Variants in MCTP1 observed in about 807,000 individuals in gnomAD.
MCTP1 encodes the protein multiple C2 and transmembrane domain-containing protein 1.
Under a neutral mutation model 120.6 loss-of-function variants are expected in MCTP1, and 69 were observed. That is an observed-to-expected ratio of 0.57 (90% CI 0.47 to 0.70). The LOEUF is 0.70. Ranked by LOEUF, MCTP1 falls within the 30% of genes least tolerant of loss-of-function variation. The probability of loss-of-function intolerance (pLI) is 0.00; values close to 1 mark genes in which losing one functional copy is unlikely to be tolerated. For missense variants in MCTP1, 1,203 were observed against 1,248.8 expected, an observed-to-expected ratio of 0.96 and a Z score of 0.55; for synonymous variants, 529 against 493.1, an observed-to-expected ratio of 1.07 and a Z score of -0.96.
intron 3 of MCTP1, among the ~76,000 whole-genome samples, chr5:94,950,973 G>T (rs1820406828): frequency 6.7e-6 from 1 of 150,066 alleles, no homozygotes; most frequent in African/African-American, 2.4e-5. Flanking sequence ...ATGATTTTGT[G>T]TAAATTTATG....
chr5:94,730,963 C>G (rs953237672), intron 19 of MCTP1, among the ~76,000 whole-genome samples: 3 of 129,664 alleles, frequency 2.3e-5, no homozygotes, highest in Non-Finnish European at 3.4e-5. Flanking sequence ...CACACACACA[C>G]ACACATTGCA....
At position 95,141,568 on chromosome 5, in the gene MCTP1, T is replaced by G. The variant is rs149734780; in HGVS notation, c.721-124084A>C. On this transcript the variant is annotated intron_variant, in intron 1 of 22. Transcript: ENST00000515393. ...GATAGTTTCATTGTGTTTTACTTTT[T>G]GTTACCTGATACCGAAGTGTCAAAA... Among the ~76,000 whole-genome samples the G allele has an allele frequency of 2.1e-4, 32 of 152,354 alleles. No individual in the cohort carries two copies. The East Asian group carries it at 5.8e-3, about 28-fold the overall frequency.
At chr5:94,796,551 A>G (rs565210973) in intron 18 of MCTP1, among the ~76,000 whole-genome samples, 1 of 134,198 alleles carries the variant, frequency 7.5e-6, no homozygotes, top group Non-Finnish European at 1.5e-5. Flanking sequence ...CTAAATTCGT[A>G]TATATGTGTG....
intron 17 of MCTP1, among the ~76,000 whole-genome samples, chr5:94,803,776 A>C (rs948368240): frequency 1.3e-5 from 2 of 152,310 alleles, no homozygotes; most frequent in African/African-American, 4.8e-5. Flanking sequence ...AATGAGTGCC[A>C]CTTTCAGTTT....
intron 1 of MCTP1, among the ~76,000 whole-genome samples, chr5:95,169,586 T>A (rs1323819177): frequency 6.6e-6 from 1 of 152,206 alleles, no homozygotes; most frequent in Non-Finnish European, 1.5e-5. Flanking sequence ...CTGTTATTGG[T>A]CTATTCAGGA....
At chr5:95,147,440 T>C (rs1034032511) in intron 1 of MCTP1, among the ~76,000 whole-genome samples, 1 of 152,240 alleles carries the variant, frequency 6.6e-6, no homozygotes, top group Non-Finnish European at 1.5e-5. Flanking sequence ...TTGAACCCTT[T>C]GCCATTATGT....
chr5:95,077,965 GT>G, intron 1 of MCTP1, among the ~76,000 whole-genome samples: 1 of 127,914 alleles, frequency 7.8e-6, no homozygotes, highest in Non-Finnish European at 1.8e-5. Flanking sequence ...TCCCAATCCA[GT>G]GTCAGGTACA....
chr5:94,867,454 T>C (rs1797042253), intron 17 of MCTP1: 1 of 903,014 alleles, frequency 1.1e-6, no homozygotes, highest in Non-Finnish European at 1.8e-6. Flanking sequence ...TACTAAAATG[T>C]TGATTTGTTA....
chr5:95,176,993 T>C (rs924078633), intron 1 of MCTP1, among the ~76,000 whole-genome samples: 2 of 151,342 alleles, frequency 1.3e-5, no homozygotes, highest in Non-Finnish European at 2.9e-5. Context: ...GCCTCCCGAG[T>C]AGCTGGGACT....
intron 1 of MCTP1, among the ~76,000 whole-genome samples, chr5:95,187,728 G>A (rs1432296448): frequency 1.3e-5 from 2 of 152,092 alleles, no homozygotes; most frequent in Non-Finnish European, 2.9e-5. Flanking sequence ...GGGATTGGGG[G>A]TAGGGGGAAG....
intron 2 of MCTP1, among the ~76,000 whole-genome samples, chr5:95,015,616 A>T (rs1220834555): frequency 6.6e-6 from 1 of 152,120 alleles, no homozygotes; most frequent in Middle Eastern, 3.2e-3. Flanking sequence ...TCTTACATAG[A>T]ACGTTGCATA....
At chr5:95,222,500 C>T (rs1176217582) in intron 1 of MCTP1, among the ~76,000 whole-genome samples, 5 of 152,198 alleles carry the variant, frequency 3.3e-5, no homozygotes, top group Non-Finnish European at 7.3e-5. Flanking sequence ...ACATTGATAC[C>T]TAATTGTTTA....
intron 2 of MCTP1, among the ~76,000 whole-genome samples, chr5:94,975,672 T>C (rs1220636218): frequency 6.6e-6 from 1 of 152,014 alleles, no homozygotes; most frequent in East Asian, 1.9e-4. Context: ...ATCCCATCTA[T>C]AGAATATTTG....
intron 1 of MCTP1, among the ~76,000 whole-genome samples, chr5:95,078,964 T>C (rs780651563): frequency 6.6e-6 from 1 of 152,196 alleles, no homozygotes; most frequent in African/African-American, 2.4e-5. Flanking sequence ...GAAATCCCTG[T>C]AGAGTGAGAT....
intron 1 of MCTP1, among the ~76,000 whole-genome samples, chr5:95,282,862 T>C (rs1456864010): frequency 6.6e-6 from 1 of 152,236 alleles, no homozygotes; most frequent in African/African-American, 2.4e-5. Context: ...TGTTTCTTTG[T>C]AGCTGAGCTT....
At chr5:95,136,550 G>C (rs1405000465) in intron 1 of MCTP1, among the ~76,000 whole-genome samples, 1 of 152,136 alleles carries the variant, frequency 6.6e-6, no homozygotes, top group Non-Finnish European at 1.5e-5. Context: ...TCAAGGGGGA[G>C]GGAAGTGGGG....
At chr5:95,136,632 G>C (rs929779160) in intron 1 of MCTP1, among the ~76,000 whole-genome samples, 1 of 152,188 alleles carries the variant, frequency 6.6e-6, no homozygotes, top group Non-Finnish European at 1.5e-5. Context: ...GCTCACAATA[G>C]AGTTTACAAT....
chr5:95,252,689 C>T (rs552486855), intron 1 of MCTP1, among the ~76,000 whole-genome samples: 74 of 152,136 alleles, frequency 4.9e-4, no homozygotes, highest in African/African-American at 1.5e-3. Flanking sequence ...ATTTCTTAGG[C>T]GCTCCATTCC....
At chr5:95,249,365 C>T (rs974280623) in intron 1 of MCTP1, among the ~76,000 whole-genome samples, 2 of 152,104 alleles carry the variant, frequency 1.3e-5, no homozygotes, top group Admixed American at 6.6e-5. Flanking sequence ...ACAGATACTT[C>T]TCAAAAGAAG....
Sources: allele counts gnomAD v4.1 joint callset (sites outside exome capture counted in the v4.1 genomes callset), GRCh38; gene constraint gnomAD v4.1.1; transcripts MANE v1.5; gene names NCBI Gene and HGNC (gene_info 2026-07-23, HGNC 2026-07-21).